Variants in SLC5A9 observed in about 807,000 individuals in gnomAD.
SLC5A9 encodes the protein sodium/glucose cotransporter 4.
A neutral mutation model predicts 70.9 loss-of-function variants in SLC5A9; 59 were observed. That is an observed-to-expected ratio of 0.83 (90% CI 0.68 to 1.03). SLC5A9 has a LOEUF of 1.03. SLC5A9 is among the 50% of genes least tolerant of loss of function. The pLI, the probability that SLC5A9 is intolerant of heterozygous loss-of-function variation, is 0.00. For missense variants in SLC5A9, 832 were observed against 881.1 expected (o/e 0.94, Z 0.71); for synonymous variants, 340 against 346.5 (o/e 0.98, Z 0.21).
At chr1:48,242,134 G>A in intron 12 of SLC5A9, 1 of 472,628 alleles carries the variant, frequency 2.1e-6, no homozygotes, top group Non-Finnish European at 4.1e-6. Context: ...TTGAAGACTT[G>A]TTCTCAAGTG....
In SLC5A9 at chr1:48,231,578, T is replaced by C. The variant is rs1644248047; in HGVS notation, c.644T>C (p.Leu215Pro). 1 of 1,614,164 alleles carries C rather than the reference T, an allele frequency of 6.2e-7. No individual in the cohort carries two copies. Among genetic ancestry groups the C allele is most frequent in the Non-Finnish European group, 8.5e-7 (1 of 1,179,994 alleles). The change falls in exon 6 of 14, where the codon CTG (leucine) becomes CCG (proline). Residue 215 changes from leucine to proline, a missense_variant. Transcript: ENST00000438567. Reference protein sequence around the residue: ...GLMAVIYTDALQTVIMVGGAL... With the variant: ...GLMAVIYTDAPQTVIMVGGAL... ...ATGGCCGTGATCTACACAGATGCTCTGCAGACGGTGATCATGGTAGGGGGA... is the reference window on the plus strand; with the variant it reads ...ATGGCCGTGATCTACACAGATGCTCCGCAGACGGTGATCATGGTAGGGGGA...
chr1:48,229,076 T>C (rs779672910), intron 3 of SLC5A9, 122 bp downstream of exon 3: 2 of 1,614,020 alleles, frequency 1.2e-6, no homozygotes, highest in Middle Eastern at 1.7e-4. Context: ...CGAGAATCCA[T>C]TTCACAATTG....
chr1:48,225,283 A>G (rs973880596), intron 2 of SLC5A9, among the ~76,000 whole-genome samples: 7 of 152,270 alleles, frequency 4.6e-5, no homozygotes, highest in Middle Eastern at 3.4e-3. Context: ...TCACAGAGGT[A>G]AAATCCCCAG....
chr1:48,227,101 G>A (rs1202624535), intron 2 of SLC5A9, among the ~76,000 whole-genome samples: 1 of 151,960 alleles, frequency 6.6e-6, no homozygotes, highest in Non-Finnish European at 1.5e-5. Context: ...GAGGGCATAT[G>A]AGGACATGTG....
At chr1:48,232,935 AAAG>A (rs200290024) in intron 8 of SLC5A9, among the ~76,000 whole-genome samples, 5,319 of 147,044 alleles carry the variant, frequency 0.036, 232 homozygotes, top group East Asian at 0.19. Context: ...GAAAGAAAGA[AAAG>A]AAGAAGAAGA....
rs781644406 is a variant in SLC5A9, at chr1:48,247,515, A to G, written c.2018A>G (p.Asn673Ser). 8 of 1,614,052 alleles carry G rather than the reference A, an allele frequency of 5.0e-6. No individual in the cohort carries two copies. The South Asian group carries it at 8.8e-5, about 18-fold the overall frequency. ...NINAVLLLAI[N>S]IFLWGYFA ...AATGCTGTCCTTTTGCTGGCCATCA[A>G]CATCTTCCTCTGGGGCTATTTTGCG... The change falls in exon 14 of 14, where the codon AAC becomes AGC. Residue 673 changes from asparagine (N) to serine (S), a missense_variant. By Grantham distance (46) the Asn-to-Ser change is conservative. Coordinates refer to ENST00000438567, the MANE Select transcript of SLC5A9 (RefSeq NM_001011547.3).
chr1:48,239,274 G>A lies in SLC5A9; in HGVS notation c.1462-48G>A. On this transcript the variant is annotated intron_variant, in intron 11 of 13. Coordinates refer to ENST00000438567, the MANE Select transcript of SLC5A9 (RefSeq NM_001011547.3). This position sits in a 1 kb window ranked among gnomAD's most constrained non-coding sequence, Gnocchi z 4.2. Reference sequence around the variant, plus strand: ...GAGAGAGTAGTTTTACCTTCCTAGGGTCTCCCACCTGGATCTCACCTCAGC... The same window carrying A: ...GAGAGAGTAGTTTTACCTTCCTAGGATCTCCCACCTGGATCTCACCTCAGC... 1 of 1,405,108 alleles carries A rather than the reference G, an allele frequency of 7.1e-7. No individual in the cohort carries two copies. The allele number at this position is 1,405,108 out of a possible 1,614,324, so 87.0% of individuals were successfully genotyped here. A position where few individuals can be genotyped will look rare whatever the true frequency, so the allele number is the denominator to read the frequency against.
chr1:48,232,322 C>T, intron 7 of SLC5A9, 45 bp from the exon 8 acceptor site: 1 of 1,605,436 alleles, frequency 6.2e-7, no homozygotes. Context: ...GCTTAATGAG[C>T]CTCTCCTCTA....
At chr1:48,227,196 CTGTGTGTGAGTGCA>C (rs1327016792) in intron 2 of SLC5A9, among the ~76,000 whole-genome samples, 4 of 141,506 alleles carry the variant, frequency 2.8e-5, no homozygotes, top group Non-Finnish European at 4.6e-5. Flanking sequence ...TGTACTGTGC[CTGTGTGTGAGTGCA>C]TGTGTGTGTG....
intron 2 of SLC5A9, among the ~76,000 whole-genome samples, chr1:48,227,285 ATG>A (rs1644169870): frequency 3.1e-5 from 1 of 31,776 alleles, no homozygotes; most frequent in Non-Finnish European, 6.6e-5. Context: ...GTGTGTGTGT[ATG>A]TGTGAGAGTG....
chr1:48,232,039 C>T lies in SLC5A9; in HGVS notation c.785C>T (p.Pro262Leu). The change falls in exon 7 of 14, where the codon CCA (proline) becomes CTA (leucine). Residue 262 changes from proline to leucine, a missense_variant. Transcript: ENST00000438567. ...GTCCCCAACACCACCTGTCACCTCC[C>T]ACGGCCCGATGCTTTCCACATTCTT... is the stretch of plus-strand genomic sequence containing the variant. The part of the protein sequence containing the change: ...VTVPNTTCHL[P>L]RPDAFHILRD... The T allele has an allele frequency of 6.2e-7, 1 of 1,614,184 alleles. No homozygotes were observed. The highest frequency in any genetic ancestry group is 8.5e-7 in the Non-Finnish European group (1 of 1,180,012).
chr1:48,227,593 G>A (rs1230951443), intron 2 of SLC5A9, among the ~76,000 whole-genome samples: 1 of 149,646 alleles, frequency 6.7e-6, no homozygotes, highest in Non-Finnish European at 1.5e-5. Context: ...TACTGTGCCT[G>A]TGTGTGTGAT....
In SLC5A9 at chr1:48,232,081, G is replaced by A; in HGVS notation, c.827G>A (p.Gly276Glu). ...AFHILRDPVS[G>E]DIPWPGLIFG... ...CACATTCTTCGGGACCCTGTGAGCG[G>A]GGACATCCCTTGGCCAGGTCTCATT... The change falls in exon 7 of 14, where the codon GGG (glycine) becomes GAG (glutamate). Residue 276 changes from glycine (G) to glutamate (E), a missense_variant. Gly to Glu is a moderately conservative substitution (Grantham distance 98, BLOSUM62 -2). Transcript: ENST00000438567. 6.2e-7 allele frequency: 1 copy of A among 1,614,126 alleles called. No homozygotes were observed. Among genetic ancestry groups the A allele is most frequent in the South Asian group, 1.1e-5 (1 of 91,078 alleles).
intron 13 of SLC5A9, among the ~76,000 whole-genome samples, chr1:48,243,309 A>G (rs1047149231): frequency 2.0e-5 from 3 of 152,140 alleles, no homozygotes; most frequent in Non-Finnish European, 2.9e-5. Flanking sequence ...TGAGGTTCCT[A>G]CAAAACACCC....
chr1:48,240,300 C>T (rs1644377187), intron 12 of SLC5A9: 2 of 152,196 alleles, frequency 1.3e-5, no homozygotes, highest in South Asian at 4.1e-4. Flanking sequence ...GTGACTGAAT[C>T]TCCTCTTCTT....
In SLC5A9 at chr1:48,239,616, T is replaced by C; in HGVS notation, c.1677+79T>C. ...AGCCTAGAATTCCACTGCTGACTTT[T>C]ACTCTGTTGGGTTATGGTCTCCCCT... On this transcript the variant is annotated intron_variant, in intron 12 of 13. Transcript: ENST00000438567. The surrounding 1 kb of genome is among the most constrained non-coding windows in gnomAD (Gnocchi z 4.2). 1.4e-6 allele frequency: 2 copies of C among 1,384,050 alleles called. No homozygotes were observed. Among genetic ancestry groups the C allele is most frequent in the Admixed American group, 1.7e-5 (1 of 58,648 alleles). The allele number at this position is 1,384,050 out of a possible 1,614,324, so 85.7% of individuals were successfully genotyped here.
At chr1:48,230,183 C>T (rs1318327823) in intron 4 of SLC5A9, among the ~76,000 whole-genome samples, 3 of 152,218 alleles carry the variant, frequency 2.0e-5, no homozygotes, top group Non-Finnish European at 4.4e-5. Context: ...TTGGGTCAGC[C>T]GTGGGCCACC....
chr1:48,237,971 C>A (rs1644350891), intron 11 of SLC5A9, 124 bp downstream of exon 11: 7 of 970,714 alleles, frequency 7.2e-6, no homozygotes, highest in Admixed American at 2.6e-5. Flanking sequence ...TTCCTGACCA[C>A]AGCATCCAGC....
intron 13 of SLC5A9, among the ~76,000 whole-genome samples, chr1:48,246,922 T>C (rs1265364660): frequency 6.6e-6 from 1 of 152,234 alleles, no homozygotes; most frequent in Non-Finnish European, 1.5e-5. Flanking sequence ...TTTCCAATTG[T>C]GGTTGTAGCA....
Sources: gnomAD v4.1 joint callset for allele counts (sites outside exome capture counted in the v4.1 genomes callset) on GRCh38, gnomAD v4.1.1 for gene constraint, Gnocchi (gnomAD v3.1) non-coding constraint, MANE v1.5 for transcripts, NCBI Gene and HGNC (gene_info 2026-07-23, HGNC 2026-07-21) for gene names.